PAIP1: variants seen among roughly 807,000 people sequenced by gnomAD.
The protein encoded by PAIP1 is poly(A) binding protein interacting protein 1, also known as polyadenylate-binding protein-interacting protein 1.
PAIP1 carries 16 observed loss-of-function variants against 61.3 expected under a neutral mutation model. The observed-to-expected ratio is 0.26, with a 90% CI of 0.18 to 0.40. The LOEUF is 0.40. Ranked by LOEUF, PAIP1 falls within the 10% of genes least tolerant of loss-of-function variation. The pLI is 1.00. For missense variants in PAIP1, 416 were observed against 600.9 expected, an observed-to-expected ratio of 0.69 and a Z score of 3.22; for synonymous variants, 187 against 226.2, an observed-to-expected ratio of 0.83 and a Z score of 1.56.
intron 8 of PAIP1, among the ~76,000 whole-genome samples, chr5:43,534,192 T>C (rs923098308): frequency 5.9e-5 from 9 of 151,672 alleles, no homozygotes; most frequent in African/African-American, 1.7e-4. Context: ...ATCACTGGCC[T>C]AGTAGCCATT....
intron 2 of PAIP1, among the ~76,000 whole-genome samples, chr5:43,555,443 T>G (rs1327492747): frequency 6.6e-6 from 1 of 152,256 alleles, no homozygotes; most frequent in Admixed American, 6.5e-5. Flanking sequence ...GACTATTTTT[T>G]AAAGTTGTTA....
intron 1 of PAIP1, chr5:43,556,274 G>A: frequency 7.9e-7 from 1 of 1,270,876 alleles, no homozygotes; most frequent in Non-Finnish European, 9.9e-7. Flanking sequence ...GAAAAGAGGT[G>A]GTTACTCGCT....
At position 43,547,929 on chromosome 5, in the gene PAIP1, G is replaced by C; in HGVS notation, c.436-16C>G. On this transcript the variant is annotated splice_polypyrimidine_tract_variant and intron_variant, in intron 2 of 10. Coordinates refer to ENST00000306846, the MANE Select transcript of PAIP1 (RefSeq NM_006451.5). ...CATAGGATTCCTACGGATCAAAAAT[G>C]AAAAAACAATTTTAATCTATGCAAC... 6.4e-7 allele frequency: 1 copy of C among 1,563,166 alleles called. No individual in the cohort carries two copies. Among genetic ancestry groups the C allele is most frequent in the African/African-American group, 1.4e-5 (1 of 72,864 alleles).
chr5:43,530,558 T>C (rs1199025172), intron 9 of PAIP1, among the ~76,000 whole-genome samples: 1 of 152,216 alleles, frequency 6.6e-6, no homozygotes, highest in Non-Finnish European at 1.5e-5. Flanking sequence ...ACGGAAATTT[T>C]GCAATTATAT....
chr5:43,527,526 G>A, intron 10 of PAIP1, 57 bp from the exon 11 acceptor site: 1 of 1,441,868 alleles, frequency 6.9e-7, no homozygotes, highest in Non-Finnish European at 9.4e-7. Flanking sequence ...AAAGTAAGAT[G>A]CTAAATCATG....
chr5:43,527,694 A>AAGAATAT (rs1163784058), intron 10 of PAIP1, among the ~76,000 whole-genome samples: 3 of 152,172 alleles, frequency 2.0e-5, no homozygotes, highest in Non-Finnish European at 4.4e-5. Context: ...AATTATAGTA[A>AAGAATAT]AGAATATATA....
intron 1 of PAIP1, 25 bp from the exon 2 acceptor site, chr5:43,556,024 G>A (rs549180998): frequency 1.2e-6 from 2 of 1,602,848 alleles, no homozygotes; most frequent in Non-Finnish European, 1.7e-6. Context: ...AAAACGGGGC[G>A]TCAGATGCAT....
chr5:43,552,438 A>T (rs1262704863), intron 2 of PAIP1, among the ~76,000 whole-genome samples: 1 of 152,240 alleles, frequency 6.6e-6, no homozygotes, highest in Admixed American at 6.5e-5. Flanking sequence ...CAGGGTTATT[A>T]GCACATAAAT....
Position 43,556,640 on chromosome 5 carries a change from C to T in PAIP1, c.207G>A (p.Gly69=). 1 of 1,263,884 alleles carries T rather than the reference C, an allele frequency of 7.9e-7. No individual in the cohort carries two copies. 78.3% of individuals were successfully genotyped at this position (1,263,884 alleles called of 1,614,324 possible). ...GGCTGGCGGGGACCTCGCACTGGGC[C>T]CCTGGCGGCGGGGTCGTCCTGGGCT... is the stretch of plus-strand genomic sequence containing the variant. The part of the protein sequence containing the change: ...LRQPRTTPPP[G]AQCEVPASPQ... Residue 69 remains glycine, a synonymous_variant, in exon 1 of 11, where the codon GGG becomes GGA. Coordinates refer to ENST00000306846, the MANE Select transcript of PAIP1 (RefSeq NM_006451.5).
chr5:43,556,311 G>A, intron 1 of PAIP1: 1 of 1,239,090 alleles, frequency 8.1e-7, no homozygotes. Flanking sequence ...GGGCTGCTGA[G>A]GGGAGGCGAT....
chr5:43,550,837 C>CAAAAAAAAAAAAAAAAAAAAAACAA (rs373730839), intron 2 of PAIP1, among the ~76,000 whole-genome samples: 3 of 49,556 alleles, frequency 6.1e-5, no homozygotes, highest in East Asian at 7.1e-4. Flanking sequence ...AAATATACTA[C>CAAAAAAAAAAAAAAAAAAAAAACAA]AAAAAAAAAA....
At position 43,526,924 on chromosome 5, in the gene PAIP1, T is replaced by C. The variant is rs942410365; in HGVS notation, c.*452A>G. 6 of 151,532 alleles carry C rather than the reference T, an allele frequency of 4.0e-5. No homozygotes were observed. Among genetic ancestry groups the C allele is most frequent in the Non-Finnish European group, 8.9e-5 (6 of 67,640 alleles). 9.4% of individuals were successfully genotyped at this position (151,532 alleles called of 1,614,324 possible). On this transcript the variant is annotated 3_prime_UTR_variant, in exon 11 of 11. Coordinates refer to ENST00000306846, the MANE Select transcript of PAIP1 (RefSeq NM_006451.5). ...TAAAGATTTTCAAGATTATGATTCA[T>C]ATTTGAAATTCAATTCATTGGGACA...
chr5:43,550,004 G>A (rs1347592198), intron 2 of PAIP1, among the ~76,000 whole-genome samples: 1 of 151,034 alleles, frequency 6.6e-6, no homozygotes, highest in Non-Finnish European at 1.5e-5. Flanking sequence ...GATTACAGGC[G>A]AGAGCCACCA....
chr5:43,539,997 A>G (rs1747331320), intron 4 of PAIP1, among the ~76,000 whole-genome samples: 1 of 152,254 alleles, frequency 6.6e-6, no homozygotes. Flanking sequence ...AGCTATGGGT[A>G]CTGAATGGTT....
At chr5:43,531,678 G>A (rs13159232) in intron 9 of PAIP1, among the ~76,000 whole-genome samples, 2,903 of 86,876 alleles carry the variant, frequency 0.033, 52 homozygotes, top group East Asian at 0.07. Flanking sequence ...AAAAAAAAAA[G>A]AGAAAAAAAG....
intron 10 of PAIP1, among the ~76,000 whole-genome samples, chr5:43,528,905 G>A (rs971117339): frequency 1.3e-5 from 2 of 152,098 alleles, no homozygotes; most frequent in African/African-American, 4.8e-5. Flanking sequence ...GCACTCTGAT[G>A]GTAAGTGAGT....
chr5:43,556,275 G>T (rs965905898), intron 1 of PAIP1: 1 of 1,271,334 alleles, frequency 7.9e-7, no homozygotes. Context: ...AAAAGAGGTG[G>T]TTACTCGCTA....
intron 7 of PAIP1, among the ~76,000 whole-genome samples, chr5:43,535,195 C>T (rs767707424): frequency 2.0e-5 from 3 of 152,040 alleles, no homozygotes; most frequent in Admixed American, 2.0e-4. Flanking sequence ...AGTGGCTATC[C>T]TTCAAACATT....
At chr5:43,551,334 G>A (rs370203813) in intron 2 of PAIP1, among the ~76,000 whole-genome samples, 2 of 152,024 alleles carry the variant, frequency 1.3e-5, no homozygotes, top group African/African-American at 4.8e-5. Flanking sequence ...AAAAATCCAC[G>A]TAACAATCCA....
Sources: gnomAD v4.1 joint callset for allele counts (sites outside exome capture counted in the v4.1 genomes callset) on GRCh38, gnomAD v4.1.1 for gene constraint, MANE v1.5 for transcripts, NCBI Gene and HGNC (gene_info 2026-07-23, HGNC 2026-07-21) for gene names.